Variants in FBXO16 observed in about 807,000 individuals in gnomAD.
The protein encoded by FBXO16 is F-box only protein 16.
FBXO16 carries 31 observed loss-of-function variants against 41.0 expected under a neutral mutation model. The observed-to-expected ratio is 0.76, with a 90% CI of 0.57 to 1.02. The LOEUF (loss-of-function observed/expected upper bound fraction) is 1.02, where lower values mean the gene tolerates loss of function less well. Among genes scored for constraint, FBXO16 ranks in the 50% least tolerant of loss-of-function variants. The pLI is 0.00. For synonymous variants in FBXO16, 133 were observed against 117.8 expected (o/e 1.13, Z -0.84); for missense variants, 361 against 346.2 (o/e 1.04, Z -0.34).
intron 1 of FBXO16, among the ~76,000 whole-genome samples, chr8:28,484,978 C>T (rs998661173): frequency 3.9e-5 from 6 of 152,094 alleles, no homozygotes; most frequent in African/African-American, 1.4e-4. Context: ...CAGGTTCAAG[C>T]GATCCTCCTG....
intron 7 of FBXO16, among the ~76,000 whole-genome samples, chr8:28,446,496 C>T (rs1302165113): frequency 6.6e-6 from 1 of 151,556 alleles, no homozygotes; most frequent in Non-Finnish European, 1.5e-5. Flanking sequence ...ATGAGGAGAA[C>T]CTTCACTTAC....
intron 2 of FBXO16, among the ~76,000 whole-genome samples, chr8:28,480,784 T>C (rs1803498301): frequency 3.3e-5 from 5 of 152,092 alleles, no homozygotes. Flanking sequence ...GGATTACAAG[T>C]GTGAGCCACT....
chr8:28,482,244 A>C (rs1269617731), intron 2 of FBXO16, among the ~76,000 whole-genome samples: 2 of 152,128 alleles, frequency 1.3e-5, no homozygotes, highest in Non-Finnish European at 1.5e-5. Flanking sequence ...GGACAGGGAG[A>C]AGCAGAATTT....
intron 1 of FBXO16, among the ~76,000 whole-genome samples, chr8:28,485,312 A>C (rs191371906): frequency 2.2e-4 from 34 of 152,252 alleles, no homozygotes; most frequent in Non-Finnish European, 4.6e-4. Flanking sequence ...AGCTAGGACT[A>C]CAGGCACCTG....
intron 2 of FBXO16, among the ~76,000 whole-genome samples, chr8:28,475,292 A>G (rs192904303): frequency 6.6e-6 from 1 of 152,270 alleles, no homozygotes; most frequent in East Asian, 1.9e-4. Context: ...AACTGGTTCA[A>G]CCACCACTTT....
At chr8:28,452,974 C>G (rs1234505893) in intron 5 of FBXO16, among the ~76,000 whole-genome samples, 1 of 151,974 alleles carries the variant, frequency 6.6e-6, no homozygotes, top group African/African-American at 2.4e-5. Flanking sequence ...TCACCATCAC[C>G]AATGTCATCA....
chr8:28,454,144 C>T lies in FBXO16; in HGVS notation c.508-1668G>A, dbSNP rs762997121. 1.1e-3 allele frequency among the ~76,000 whole-genome samples: 161 copies of T among 151,822 alleles called. 1 individual carries two copies. Among genetic ancestry groups the T allele is most frequent in the South Asian group, 1.9e-3 (9 of 4,824 alleles). ...TTGTGCCACTGCACTCCAGCCTGGG[C>T]GACAGAGTGAAATTTATTTATTCAA... is the stretch of plus-strand genomic sequence containing the variant. On this transcript the variant is annotated intron_variant, in intron 5 of 8. Coordinates refer to ENST00000380254, the MANE Select transcript of FBXO16 (RefSeq NM_172366.4).
intron 7 of FBXO16, among the ~76,000 whole-genome samples, chr8:28,443,535 T>C (rs1313111985): frequency 6.6e-6 from 1 of 152,182 alleles, no homozygotes; most frequent in East Asian, 1.9e-4. Context: ...CCTGCTTCTC[T>C]AGGTCCTCCT....
At chr8:28,447,049 G>T in intron 7 of FBXO16, 122 bp downstream of exon 7, 1 of 865,888 alleles carries the variant, frequency 1.2e-6, no homozygotes, top group South Asian at 1.9e-5. Flanking sequence ...TCAGAAACCC[G>T]AATTTAAATC....
rs114038155 is a variant in FBXO16, at chr8:28,443,084, T to A, written c.843+4087A>T. ...CCCAGGCTGGACTGCAGTGGTGAGA[T>A]CATGGCTCACTACAGCTTCAAACTC... On this transcript the variant is annotated intron_variant, in intron 7 of 8. Transcript: ENST00000380254. Among the ~76,000 whole-genome samples the A allele has an allele frequency of 7.1e-3, 1,080 of 151,796 alleles. 16 individuals are homozygous for A. The highest frequency in any genetic ancestry group is 0.024 in the African/African-American group (980 of 41,342).
At chr8:28,441,535 A>C (rs758084543) in intron 7 of FBXO16, among the ~76,000 whole-genome samples, 2 of 152,138 alleles carry the variant, frequency 1.3e-5, no homozygotes, top group Non-Finnish European at 2.9e-5. Flanking sequence ...CAGGAGTTTG[A>C]GACCAGCCTG....
At chr8:28,479,712 T>C (rs1437401531) in intron 2 of FBXO16, among the ~76,000 whole-genome samples, 2 of 151,870 alleles carry the variant, frequency 1.3e-5, no homozygotes, top group African/African-American at 4.8e-5. Flanking sequence ...GGATAAAAAC[T>C]ATTTTCTTTC....
chr8:28,451,379 TG>T (rs780586389), intron 6 of FBXO16, among the ~76,000 whole-genome samples: 5 of 91,814 alleles, frequency 5.4e-5, no homozygotes, highest in East Asian at 2.5e-4. Flanking sequence ...TCTTTGTTGT[TG>T]TTTTTTTTTT....
At chr8:28,461,586 A>T (rs1803135358) in intron 4 of FBXO16, among the ~76,000 whole-genome samples, 1 of 149,420 alleles carries the variant, frequency 6.7e-6, no homozygotes, top group East Asian at 2.0e-4. Flanking sequence ...GATTTATAAG[A>T]GCTCTTGAAA....
chr8:28,438,114 G>C (rs550547617), intron 7 of FBXO16, among the ~76,000 whole-genome samples: 1 of 151,598 alleles, frequency 6.6e-6, no homozygotes, highest in Non-Finnish European at 1.5e-5. Context: ...CCCGGAGCTC[G>C]AGACCAGCCT....
Position 28,478,135 on chromosome 8 carries a change from A to C in FBXO16, c.100-4328T>G, listed in dbSNP as rs79621240. 1.5e-3 allele frequency among the ~76,000 whole-genome samples: 235 copies of C among 152,358 alleles called. 1 individual carries two copies. The highest frequency in any genetic ancestry group is 8.5e-3 in the East Asian group (44 of 5,194). ...ATTTTTAAAAATAATTTTATGCCAC[A>C]CAAGAACCTAACTAAACCAAAAAAT... is the stretch of plus-strand genomic sequence containing the variant. On this transcript the variant is annotated intron_variant, in intron 2 of 8. Coordinates refer to ENST00000380254, the MANE Select transcript of FBXO16 (RefSeq NM_172366.4).
intron 3 of FBXO16, chr8:28,465,571 T>C: frequency 4.4e-6 from 1 of 227,610 alleles, no homozygotes; most frequent in Non-Finnish European, 9.3e-6. Context: ...GCTGTGGTCA[T>C]GCCATTGCAC....
At chr8:28,479,743 G>GTC (rs141295713) in intron 2 of FBXO16, among the ~76,000 whole-genome samples, 188 of 151,576 alleles carry the variant, frequency 1.2e-3, no homozygotes, top group African/African-American at 4.2e-3. Context: ...TAGAGACAGG[G>GTC]TCTCTCTCTC....
chr8:28,469,106 C>T (rs1199928616), intron 3 of FBXO16, among the ~76,000 whole-genome samples: 4 of 151,808 alleles, frequency 2.6e-5, no homozygotes, highest in South Asian at 2.1e-4. Context: ...GTCAGGAGTT[C>T]GAGACCAGCC....
Sources: allele counts gnomAD v4.1 joint callset (sites outside exome capture counted in the v4.1 genomes callset), GRCh38; gene constraint gnomAD v4.1.1; transcripts MANE v1.5; gene names NCBI Gene and HGNC (gene_info 2026-07-23, HGNC 2026-07-21).